GPC5: variants seen among roughly 807,000 people sequenced by gnomAD.
GPC5 encodes glypican 5.
GPC5 carries 47 observed loss-of-function variants against 53.9 expected under a neutral mutation model. The ratio of observed to expected loss-of-function variants is 0.87; its 90% CI spans 0.69 to 1.11. The LOEUF is 1.11. Among genes scored for constraint, GPC5 ranks in the 50% most tolerant of loss-of-function variants. The pLI, the probability that GPC5 is intolerant of heterozygous loss-of-function variation, is 0.00. For synonymous variants in GPC5, 286 were observed against 263.3 expected (o/e 1.09, Z -0.84); for missense variants, 748 against 713.1 (o/e 1.05, Z -0.56).
intron 2 of GPC5, among the ~76,000 whole-genome samples, chr13:91,595,737 C>CT (rs2032970850): frequency 6.6e-6 from 1 of 152,196 alleles, no homozygotes; most frequent in Non-Finnish European, 1.5e-5. Context: ...CATTTTTCAG[C>CT]TCTTCTTTAC....
chr13:91,840,759 T>A (rs9523430), intron 5 of GPC5, among the ~76,000 whole-genome samples: 117,945 of 150,926 alleles, frequency 0.78, 46,248 homozygotes, highest in South Asian at 0.92. Flanking sequence ...TTTTTTTTTT[T>A]AAAAAACATG....
chr13:91,849,837 A>G lies in GPC5; in HGVS notation c.1281-58100A>G, dbSNP rs146483540. On this transcript the variant is annotated intron_variant, in intron 5 of 7. Transcript: ENST00000377067. ...TTTTATTTTACTAACTCTGATATAC[A>G]CAAAATGATGTCATGTGACCATGGA... 4.0e-3 allele frequency among the ~76,000 whole-genome samples: 610 copies of G among 152,316 alleles called. 8 individuals are homozygous for G. Among genetic ancestry groups the G allele is most frequent in the African/African-American group, 0.014 (582 of 41,572 alleles).
At chr13:92,741,881 C>A (rs556813362) in intron 7 of GPC5, among the ~76,000 whole-genome samples, 2 of 152,174 alleles carry the variant, frequency 1.3e-5, no homozygotes, top group South Asian at 4.1e-4. Context: ...TGATGGTTTC[C>A]AGCTTCATCC....
chr13:92,159,042 C>T (rs1459948620), intron 7 of GPC5, among the ~76,000 whole-genome samples: 1 of 152,074 alleles, frequency 6.6e-6, no homozygotes, highest in East Asian at 1.9e-4. Context: ...CTTCAAAACC[C>T]AGAAGACTGT....
chr13:91,908,154 A>G, intron 6 of GPC5, 97 bp downstream of exon 6: 1 of 980,984 alleles, frequency 1.0e-6, no homozygotes, highest in Non-Finnish European at 1.4e-6. Context: ...CTGTCAGATA[A>G]TCCTACCTAA....
intron 7 of GPC5, among the ~76,000 whole-genome samples, chr13:92,289,614 A>C (rs554104397): frequency 6.6e-6 from 1 of 152,100 alleles, no homozygotes; most frequent in South Asian, 2.1e-4. Flanking sequence ...TGTATCAGGA[A>C]CTATGTTAAT....
intron 3 of GPC5, among the ~76,000 whole-genome samples, chr13:91,706,329 T>A (rs1268550434): frequency 2.0e-5 from 3 of 152,136 alleles, no homozygotes; most frequent in Admixed American, 1.3e-4. Flanking sequence ...TTTGCCTGAT[T>A]GAGAAAACAA....
chr13:92,406,836 C>G (rs994139790), intron 7 of GPC5, among the ~76,000 whole-genome samples: 3 of 152,102 alleles, frequency 2.0e-5, no homozygotes, highest in Non-Finnish European at 2.9e-5. Flanking sequence ...AGTTCACCCT[C>G]CTGTATCCTG....
chr13:92,831,796 C>T (rs1878053320), intron 7 of GPC5, among the ~76,000 whole-genome samples: 1 of 152,150 alleles, frequency 6.6e-6, no homozygotes, highest in Non-Finnish European at 1.5e-5. Context: ...TTCCCATTTT[C>T]AGTGGTTTCT....
intron 7 of GPC5, among the ~76,000 whole-genome samples, chr13:92,704,955 A>T (rs918916318): frequency 4.6e-5 from 7 of 151,096 alleles, no homozygotes; most frequent in Admixed American, 1.3e-4. Context: ...GTATGTGTCT[A>T]AATACTATGT....
chr13:92,840,455 C>A (rs999580163), intron 7 of GPC5, among the ~76,000 whole-genome samples: 3 of 151,904 alleles, frequency 2.0e-5, no homozygotes, highest in Non-Finnish European at 4.4e-5. Flanking sequence ...AAATTTATTC[C>A]CTTGATTTGT....
chr13:91,740,496 G>A (rs938207580), intron 4 of GPC5, among the ~76,000 whole-genome samples: 2 of 152,132 alleles, frequency 1.3e-5, no homozygotes, highest in Non-Finnish European at 2.9e-5. Context: ...CTTGGAGAGA[G>A]GGGAGCTAAA....
chr13:92,760,151 T>C (rs1386206557), intron 7 of GPC5, among the ~76,000 whole-genome samples: 1 of 152,118 alleles, frequency 6.6e-6, no homozygotes, highest in East Asian at 1.9e-4. Flanking sequence ...TATTTTCTTA[T>C]GGTGTCTTTG....
chr13:92,357,137 T>A (rs891206192), intron 7 of GPC5, among the ~76,000 whole-genome samples: 2 of 151,826 alleles, frequency 1.3e-5, no homozygotes, highest in Admixed American at 1.3e-4. Flanking sequence ...TTTGGATTGA[T>A]TCCATGTCTT....
intron 7 of GPC5, among the ~76,000 whole-genome samples, chr13:92,253,603 A>C (rs2042706789): frequency 6.6e-6 from 1 of 152,126 alleles, no homozygotes. Flanking sequence ...GGATATCTTC[A>C]TGTGTGCAAT....
intron 1 of GPC5, among the ~76,000 whole-genome samples, chr13:91,429,236 T>TA (rs897747738): frequency 1.3e-5 from 2 of 152,126 alleles, no homozygotes; most frequent in African/African-American, 2.4e-5. Context: ...TCTGTTTTAA[T>TA]AAAAAAACTT....
intron 7 of GPC5, among the ~76,000 whole-genome samples, chr13:92,306,645 C>A (rs1431619404): frequency 6.6e-6 from 1 of 152,244 alleles, no homozygotes; most frequent in Admixed American, 6.5e-5. Context: ...CTAACTTACT[C>A]TCAAAACTTT....
At position 92,866,982 on chromosome 13, in the gene GPC5, T is replaced by C. The variant is rs1478701192; in HGVS notation, c.*543T>C. The C allele has an allele frequency of 2.0e-5, 3 of 152,114 alleles. No individual in the cohort carries two copies. Among genetic ancestry groups the C allele is most frequent in the Non-Finnish European group, 2.9e-5 (2 of 68,002 alleles). The allele number at this position is 152,114 out of a possible 1,614,324, so 9.4% of individuals were successfully genotyped here. Reference sequence around the variant, plus strand: ...GAATGTCTATAAGTTATGGGGTAGATTCTTGAGAAGCATTTCATATAATTT... The same window carrying C: ...GAATGTCTATAAGTTATGGGGTAGACTCTTGAGAAGCATTTCATATAATTT... On this transcript the variant is annotated 3_prime_UTR_variant, in exon 8 of 8. Transcript: ENST00000377067.
rs528905805 is a variant in GPC5 at position 92,507,971 on chromosome 13, T to A, written c.1562-358311T>A. Among the ~76,000 whole-genome samples the A allele has an allele frequency of 6.6e-5, 10 of 152,252 alleles. No individual in the cohort carries two copies. In the East Asian group the frequency reaches 1.5e-3, roughly 24 times the overall value. On this transcript the variant is annotated intron_variant, in intron 7 of 7. Coordinates refer to ENST00000377067, the MANE Select transcript of GPC5 (RefSeq NM_004466.6). ...TAATTAATTTAATTAATTAATTTAGTTTTTTGTTGTTGAGCTGGAGTCTCA... is the reference window on the plus strand; with the variant it reads ...TAATTAATTTAATTAATTAATTTAGATTTTTGTTGTTGAGCTGGAGTCTCA...
Sources: allele counts gnomAD v4.1 joint callset (sites outside exome capture counted in the v4.1 genomes callset), GRCh38; gene constraint gnomAD v4.1.1; transcripts MANE v1.5; gene names NCBI Gene and HGNC (gene_info 2026-07-23, HGNC 2026-07-21).